The following BCAS3 variants were observed in gnomAD, a reference collection of about 807,000 sequenced individuals.
The protein encoded by BCAS3 is BCAS4/BCAS3 fusion.
Under a neutral mutation model 116.1 loss-of-function variants are expected in BCAS3, and 53 were observed. That is an observed-to-expected ratio of 0.46 (90% confidence interval 0.37 to 0.57). The LOEUF is 0.57. Ranked by LOEUF, BCAS3 falls within the 20% of genes least tolerant of loss-of-function variation. BCAS3 has a pLI of 0.00. For synonymous variants in BCAS3, 391 were observed against 408.2 expected (o/e 0.96, Z 0.51); for missense variants, 917 against 1,165.4 (o/e 0.79, Z 3.10).
chr17:60,834,017 T>G (rs1360443259), intron 7 of BCAS3, among the ~76,000 whole-genome samples: 3 of 143,506 alleles, frequency 2.1e-5, no homozygotes, highest in Non-Finnish European at 4.5e-5. Context: ...ATTAGAAGGA[T>G]TTAAATCATC....
At position 61,348,433 on chromosome 17, in the gene BCAS3, A is replaced by G. The variant is rs1221011710; in HGVS notation, c.2426-19894A>G. Among the ~76,000 whole-genome samples, 1 of 152,184 alleles carries G rather than the reference A, an allele frequency of 6.6e-6. No homozygotes were observed. The highest frequency in any genetic ancestry group is 2.4e-5 in the African/African-American group (1 of 41,446). On this transcript the variant is annotated intron_variant, in intron 22 of 23. Transcript: ENST00000407086. The surrounding 1 kb of genome is among the most constrained non-coding windows in gnomAD (Gnocchi z 4.5). ...GTGCAGTTTTGGAAGTCAGTAGCAT[A>G]TAGGTAGTACTGGGTATTTGTAAGC...
intron 17 of BCAS3, among the ~76,000 whole-genome samples, chr17:61,035,125 G>A (rs2066917089): frequency 6.6e-6 from 1 of 152,098 alleles, no homozygotes; most frequent in African/African-American, 2.4e-5. Flanking sequence ...AGTACAGAGA[G>A]GAAAAGCGTC....
chr17:60,814,617 G>A (rs556129779), intron 7 of BCAS3, among the ~76,000 whole-genome samples: 15 of 152,108 alleles, frequency 9.9e-5, no homozygotes, highest in East Asian at 5.8e-4. Context: ...TGTGTTAGGC[G>A]TATATTTTGA....
intron 22 of BCAS3, among the ~76,000 whole-genome samples, chr17:61,149,408 T>C (rs887916880): frequency 6.6e-6 from 1 of 152,076 alleles, no homozygotes; most frequent in Non-Finnish European, 1.5e-5. Context: ...TAGCTAGTAG[T>C]TTTTTTTCTC....
intron 14 of BCAS3, among the ~76,000 whole-genome samples, chr17:60,982,956 A>C (rs1568032961): frequency 6.6e-6 from 1 of 152,190 alleles, no homozygotes; most frequent in Non-Finnish European, 1.5e-5. Context: ...AACCAGGAGC[A>C]CATATACTTT....
intron 7 of BCAS3, among the ~76,000 whole-genome samples, chr17:60,841,200 T>C (rs2051868020): frequency 1.3e-5 from 2 of 152,072 alleles, no homozygotes; most frequent in Non-Finnish European, 2.9e-5. Flanking sequence ...TTTGAAGTAG[T>C]ATAATGGCAG....
chr17:60,950,313 T>A (rs907348837), intron 14 of BCAS3, among the ~76,000 whole-genome samples: 8 of 152,184 alleles, frequency 5.3e-5, no homozygotes, highest in Admixed American at 5.2e-4. Flanking sequence ...GGGATGGTTA[T>A]GTTGATTATA....
At chr17:61,254,113 C>T (rs2048579465) in intron 22 of BCAS3, among the ~76,000 whole-genome samples, 1 of 152,188 alleles carries the variant, frequency 6.6e-6, no homozygotes, top group Non-Finnish European at 1.5e-5. Context: ...GAGGAAAAAA[C>T]TCAAGAGAGC....
chr17:61,078,058 G>A (rs965292290), intron 20 of BCAS3, among the ~76,000 whole-genome samples: 2 of 152,246 alleles, frequency 1.3e-5, no homozygotes, highest in Admixed American at 1.3e-4. Flanking sequence ...TTTTTGTCTT[G>A]TATATGTGTG....
rs1312064134 is a variant in BCAS3, at chr17:61,337,119, A to AAC, written c.2426-31207_2426-31206insCA. On this transcript the variant is annotated intron_variant, in intron 22 of 23. Transcript: ENST00000407086. This position sits in a 1 kb window ranked among gnomAD's most constrained non-coding sequence, Gnocchi z 4.8. ...CAGAGCAAGACTCCATCTCAAAAAA[A>AAC]AACAACAACAAACTTTATCCTTTCT... 6.6e-6 allele frequency among the ~76,000 whole-genome samples: 1 copy of AAC among 152,038 alleles called. No individual in the cohort carries two copies. The highest frequency in any genetic ancestry group is 1.9e-4 in the East Asian group (1 of 5,186).
chr17:61,294,777 CTGTATTTG>C (rs2052738203), intron 22 of BCAS3, among the ~76,000 whole-genome samples: 2 of 152,200 alleles, frequency 1.3e-5, no homozygotes, highest in Admixed American at 6.5e-5. Context: ...GGGATTTAGT[CTGTATTTG>C]ATGCAGCTGG....
intron 22 of BCAS3, among the ~76,000 whole-genome samples, chr17:61,176,512 A>G (rs2079156014): frequency 6.7e-6 from 1 of 150,110 alleles, no homozygotes; most frequent in East Asian, 1.9e-4. Context: ...ACAGGTTGAA[A>G]ATTGTGTAAT....
At chr17:61,079,882 ATTTTTTTTTTTTTT>A (rs745702399) in intron 21 of BCAS3, among the ~76,000 whole-genome samples, 3 of 65,882 alleles carry the variant, frequency 4.6e-5, no homozygotes, top group African/African-American at 7.4e-5. Flanking sequence ...AGGCATGAGT[ATTTTTTTTTTTTTT>A]TTTTTTTTTT....
At chr17:60,809,970 G>C (rs1202122369) in intron 7 of BCAS3, among the ~76,000 whole-genome samples, 1 of 152,180 alleles carries the variant, frequency 6.6e-6, no homozygotes, top group African/African-American at 2.4e-5. Context: ...AATTGTGGAA[G>C]AAGACAGATT....
intron 22 of BCAS3, among the ~76,000 whole-genome samples, chr17:61,152,906 G>C (rs1449759595): frequency 6.6e-6 from 1 of 152,128 alleles, no homozygotes; most frequent in Non-Finnish European, 1.5e-5. Flanking sequence ...TTGTTAAACT[G>C]TTATTTTTGT....
chr17:60,718,337 C>G (rs1264766176), intron 5 of BCAS3, among the ~76,000 whole-genome samples: 2 of 152,110 alleles, frequency 1.3e-5, no homozygotes, highest in Admixed American at 1.3e-4. Flanking sequence ...TGTCTCACAT[C>G]CATCTTATTC....
intron 6 of BCAS3, among the ~76,000 whole-genome samples, chr17:60,797,550 A>G (rs979306356): frequency 3.3e-5 from 5 of 151,986 alleles, no homozygotes; most frequent in African/African-American, 1.2e-4. Context: ...TTAATTTATT[A>G]TACTTTAAGT....
At chr17:60,742,867 A>C (rs2144236629) in intron 5 of BCAS3, among the ~76,000 whole-genome samples, 1 of 152,014 alleles carries the variant, frequency 6.6e-6, no homozygotes, top group African/African-American at 2.4e-5. Flanking sequence ...TAATCCCAGC[A>C]CTTTGGGAGG....
At chr17:61,284,722 G>T (rs4968550) in intron 22 of BCAS3, among the ~76,000 whole-genome samples, 1 of 150,298 alleles carries the variant, frequency 6.7e-6, no homozygotes, top group African/African-American at 2.5e-5. Context: ...TTCAGCCTAT[G>T]TGGGCATTTA....
Sources: gnomAD v4.1 joint callset for allele counts (sites outside exome capture counted in the v4.1 genomes callset) on GRCh38, gnomAD v4.1.1 for gene constraint, Gnocchi (gnomAD v3.1) non-coding constraint, MANE v1.5 for transcripts, NCBI Gene and HGNC (gene_info 2026-07-23, HGNC 2026-07-21) for gene names.